NOSIP: variants seen among roughly 807,000 people sequenced by gnomAD.
NOSIP encodes nitric oxide synthase-interacting protein.
In NOSIP, 25 loss-of-function variants were observed where a neutral mutation model predicts 36.4. The observed-to-expected ratio is 0.69, with a 90% CI of 0.50 to 0.96. NOSIP has a LOEUF of 0.96. Among genes scored for constraint, NOSIP ranks in the 40% least tolerant of loss-of-function variants. The probability of loss-of-function intolerance (pLI) is 0.00; values close to 1 mark genes in which losing one functional copy is unlikely to be tolerated. For missense variants in NOSIP, 370 were observed against 429.0 expected, an observed-to-expected ratio of 0.86 and a Z score of 1.21; for synonymous variants, 187 against 179.2, an observed-to-expected ratio of 1.04 and a Z score of -0.35.
Position 49,559,957 on chromosome 19 carries a change from C to G in NOSIP, c.153G>C (p.Gln51His). ...ACGTGACAACAGGATCGTGGCAAGG[C>G]TGCAGGGAGAGACAACAGCAGTCGA... ...KDFDCCCLSL[Q>H]PCHDPVVTPD... Residue 51 changes from glutamine (Q) to histidine (H), a missense_variant, in exon 3 of 9, where the codon CAG becomes CAC. Gln to His is a conservative substitution (Grantham distance 24). Coordinates refer to ENST00000596358, the MANE Select transcript of NOSIP (RefSeq NM_001270960.2). The G allele has an allele frequency of 6.2e-7, 1 of 1,613,578 alleles. No homozygotes were observed. Among genetic ancestry groups the G allele is most frequent in the Non-Finnish European group, 8.5e-7 (1 of 1,179,648 alleles).
intron 1 of NOSIP, among the ~76,000 whole-genome samples, chr19:49,571,064 C>T (rs1479274292): frequency 6.6e-6 from 1 of 150,468 alleles, no homozygotes; most frequent in Admixed American, 6.6e-5. Flanking sequence ...GCAACCTCCA[C>T]CTCCTGGGTT....
In NOSIP at chr19:49,558,963, C is replaced by T. The variant is rs752427783; in HGVS notation, c.192G>A (p.Leu64=). The change falls in exon 4 of 9, where the codon CTG becomes CTA. Residue 64 remains leucine (L), a synonymous_variant. Coordinates refer to ENST00000596358, the MANE Select transcript of NOSIP (RefSeq NM_001270960.2). ...ACTCCAGGATGGCCTCACGCTCATA[C>T]AGGTAGCCATCTGGGCTGCAAAGAC... ...HDPVVTPDGY[L]YEREAILEYI... 28 of 1,613,770 alleles carry T rather than the reference C, an allele frequency of 1.7e-5. No homozygotes were observed. The highest frequency in any genetic ancestry group is 2.2e-5 in the Non-Finnish European group (26 of 1,179,874).
chr19:49,578,491 C>A (rs557692802), intron 1 of NOSIP, among the ~76,000 whole-genome samples: 9 of 151,844 alleles, frequency 5.9e-5, no homozygotes, highest in Non-Finnish European at 4.4e-5. Flanking sequence ...ATTAGCTGAT[C>A]CCTGGCATGA....
Position 49,559,063 on chromosome 19 carries a change from C to A in NOSIP, c.177-85G>T. ...AAGTGCTGGGATTATAGGCAGAAGT[C>A]ATCATGATCAGTCCCAAGTTCAATT... is the stretch of plus-strand genomic sequence containing the variant. On this transcript the variant is annotated intron_variant, in intron 3 of 8. Transcript: ENST00000596358. 3 of 1,042,544 alleles carry A rather than the reference C, an allele frequency of 2.9e-6. No homozygotes were observed. In the South Asian group the frequency reaches 3.8e-5, roughly 13 times the overall value. The allele number at this position is 1,042,544 out of a possible 1,614,324, so 64.6% of individuals were successfully genotyped here.
chr19:49,562,594 T>C (rs1387689208), intron 1 of NOSIP, among the ~76,000 whole-genome samples: 1 of 152,032 alleles, frequency 6.6e-6, no homozygotes, highest in East Asian at 1.9e-4. Context: ...AACAAAGAAG[T>C]TGATGGCCAG....
chr19:49,556,695 G>C lies in NOSIP; in HGVS notation c.579C>G (p.Arg193=). The C allele has an allele frequency of 6.2e-7, 1 of 1,610,524 alleles. No homozygotes were observed. The highest frequency in any genetic ancestry group is 8.5e-7 in the Non-Finnish European group (1 of 1,178,138). Residue 193 remains arginine, a synonymous_variant, in exon 7 of 9, where the codon CGC becomes CGG. Coordinates refer to ENST00000596358, the MANE Select transcript of NOSIP (RefSeq NM_001270960.2). The part of the protein sequence containing the change: ...VTCPMSGKPL[R]MSDLTPVHFT... ...AGTGCACGGGCGTCAGGTCCGACAT[G>C]CGCAGGGGCTTCCCTGACATGGGGC... is the stretch of plus-strand genomic sequence containing the variant.
At chr19:49,556,473 G>A (rs1200032008) in intron 7 of NOSIP, 48 bp from the exon 8 acceptor site, 9 of 1,608,312 alleles carry the variant, frequency 5.6e-6, no homozygotes, top group Non-Finnish European at 7.6e-6. Context: ...GCCTTCCTGG[G>A]GACCTACTGG....
chr19:49,570,968 C>CT (rs1251566809), intron 1 of NOSIP, among the ~76,000 whole-genome samples: 2 of 151,966 alleles, frequency 1.3e-5, no homozygotes, highest in African/African-American at 4.8e-5. Flanking sequence ...AGCATTTAAA[C>CT]TTTTTTTAAT....
chr19:49,568,806 G>T (rs868612774), intron 1 of NOSIP, among the ~76,000 whole-genome samples: 15,280 of 111,286 alleles, frequency 0.14, 1,429 homozygotes, highest in African/African-American at 0.31. Flanking sequence ...TAGTTTGTTT[G>T]TTTGTTTTTT....
rs539811953 is a variant in NOSIP at position 49,569,556 on chromosome 19, C to T, written c.-1-8864G>A. Among the ~76,000 whole-genome samples the T allele has an allele frequency of 3.8e-3, 565 of 148,814 alleles. 11 individuals carry two copies. The highest frequency in any genetic ancestry group is 9.1e-4 in the Non-Finnish European group (61 of 67,014). The stretch of plus-strand genomic sequence containing the variant: ...GCACGGTGGCTCACACCTGTAATCC[C>T]AGCACTTTAGGAGGCCGAGGTGGGC... On this transcript the variant is annotated intron_variant, in intron 1 of 8. Coordinates refer to ENST00000596358, the MANE Select transcript of NOSIP (RefSeq NM_001270960.2).
chr19:49,566,027 C>CT (rs577090472), intron 1 of NOSIP, among the ~76,000 whole-genome samples: 15,690 of 145,638 alleles, frequency 0.11, 1,023 homozygotes, highest in African/African-American at 0.18. Flanking sequence ...TTTTCTTCTT[C>CT]TTTTTTTTTT....
chr19:49,555,482 C>T lies in NOSIP; in HGVS notation c.*269G>A, dbSNP rs1001352604. Among the ~76,000 whole-genome samples, 18 of 152,172 alleles carry T rather than the reference C, an allele frequency of 1.2e-4. No homozygotes were observed. The highest frequency in any genetic ancestry group is 1.8e-4 in the Non-Finnish European group (12 of 68,036). ...CCATGTTGGCCAGGCTGGTCTCGAA[C>T]TCCTGACCTCAAGTGATACGCTAGC... On this transcript the variant is annotated 3_prime_UTR_variant, in exon 9 of 9. Transcript: ENST00000596358.
intron 1 of NOSIP, among the ~76,000 whole-genome samples, chr19:49,578,794 C>A (rs887489680): frequency 1.3e-5 from 2 of 151,892 alleles, no homozygotes; most frequent in South Asian, 2.1e-4. Flanking sequence ...CTACAGGTGC[C>A]TGCCATCATG....
chr19:49,576,227 G>T (rs916738631), intron 1 of NOSIP, among the ~76,000 whole-genome samples: 3 of 152,026 alleles, frequency 2.0e-5, no homozygotes, highest in African/African-American at 7.2e-5. Flanking sequence ...GGCTGTTGTG[G>T]CTCATACCTG....
chr19:49,567,037 A>G (rs1328323078), intron 1 of NOSIP, among the ~76,000 whole-genome samples: 1 of 151,132 alleles, frequency 6.6e-6, no homozygotes, highest in Non-Finnish European at 1.5e-5. Context: ...GCTGGTCTTG[A>G]ACTCCTGACC....
At chr19:49,555,992 C>A (rs1406831295) in intron 8 of NOSIP, among the ~76,000 whole-genome samples, 170 bp from the exon 9 acceptor site, 2 of 142,444 alleles carry the variant, frequency 1.4e-5, no homozygotes, top group Admixed American at 1.4e-4. Flanking sequence ...ATGGACAGGG[C>A]GCAGGGCGCA....
intron 1 of NOSIP, among the ~76,000 whole-genome samples, chr19:49,574,464 G>A (rs905058696): frequency 2.0e-5 from 3 of 152,208 alleles, no homozygotes; most frequent in African/African-American, 7.2e-5. Flanking sequence ...GTCACAGGAT[G>A]CTAATTCTTG....
At chr19:49,557,976 T>G in intron 4 of NOSIP, 4 of 972,474 alleles carry the variant, frequency 4.1e-6, no homozygotes, top group Non-Finnish European at 4.9e-6. Flanking sequence ...AATAAGCATG[T>G]GACCTGTAGT....
chr19:49,575,894 G>A (rs542161485), intron 1 of NOSIP, among the ~76,000 whole-genome samples: 17 of 152,210 alleles, frequency 1.1e-4, no homozygotes, highest in Admixed American at 3.3e-4. Flanking sequence ...CACTTTGGGA[G>A]GCCAAGGCGG....
Sources: allele counts gnomAD v4.1 joint callset (sites outside exome capture counted in the v4.1 genomes callset), GRCh38; gene constraint gnomAD v4.1.1; transcripts MANE v1.5; gene names NCBI Gene and HGNC (gene_info 2026-07-23, HGNC 2026-07-21).